Variants in MYOF observed in about 807,000 individuals in gnomAD.
MYOF encodes fer-1-like 3, myoferlin.
A neutral mutation model predicts 284.2 loss-of-function variants in MYOF; 244 were observed. That is an observed-to-expected ratio of 0.86 (90% CI 0.77 to 0.95). The LOEUF (loss-of-function observed/expected upper bound fraction) is 0.95, where lower values mean the gene tolerates loss of function less well. MYOF is among the 40% of genes least tolerant of loss of function. The probability of loss-of-function intolerance (pLI) is 0.00; values close to 1 mark genes in which losing one functional copy is unlikely to be tolerated. For missense variants in MYOF, 2,496 were observed against 2,560.6 expected (o/e 0.97, Z 0.54); for synonymous variants, 904 against 919.7 (o/e 0.98, Z 0.31).
chr10:93,361,629 T>C lies in MYOF; in HGVS notation c.2869-72A>G, dbSNP rs532144699. ...TCAGTAAGAGGCAAAGGGTCCAATA[T>C]AGTTCCTCATTTAACTATGGCATTC... is the stretch of plus-strand genomic sequence containing the variant. On this transcript the variant is annotated intron_variant, in intron 27 of 53. Transcript: ENST00000359263. 3.6e-6 allele frequency: 5 copies of C among 1,391,662 alleles called. No individual in the cohort carries two copies. In the South Asian group the frequency reaches 6.0e-5, roughly 17 times the overall value. The allele number at this position is 1,391,662 out of a possible 1,614,324, so 86.2% of individuals were successfully genotyped here.
At chr10:93,338,011 T>C in intron 39 of MYOF, 98 bp from the exon 40 acceptor site, 1 of 869,886 alleles carries the variant, frequency 1.1e-6, no homozygotes, top group Non-Finnish European at 1.9e-6. Context: ...AAATAGGTTC[T>C]TCTGACCCTG....
At chr10:93,353,001 A>T (rs1383885063) in intron 32 of MYOF, among the ~76,000 whole-genome samples, 1 of 152,242 alleles carries the variant, frequency 6.6e-6, no homozygotes, top group Non-Finnish European at 1.5e-5. Context: ...TGAGAGTGTC[A>T]GTCAAATGCT....
chr10:93,354,919 T>C (rs1040113729), intron 31 of MYOF, among the ~76,000 whole-genome samples: 1 of 152,258 alleles, frequency 6.6e-6, no homozygotes, highest in Non-Finnish European at 1.5e-5. Flanking sequence ...GTACAGGTCC[T>C]AGCCCATGCT....
At chr10:93,444,852 G>A (rs1564724528) in intron 3 of MYOF, among the ~76,000 whole-genome samples, 1 of 152,144 alleles carries the variant, frequency 6.6e-6, no homozygotes, top group Non-Finnish European at 1.5e-5. Flanking sequence ...TCAAGGGTAG[G>A]GCCAGGATGC....
rs758541223 is a variant in MYOF at position 93,313,116 on chromosome 10, G to A, written c.5793C>T (p.Asn1931=). ...LDMIPDLKAM[N]PLKAKTASLF... is the part of the protein sequence containing the mutation. ...GGGAGGCTGTCTTGGCTTTAAGGGG[G>A]TTCATGGCTTTGAGGTCCGGAATCA... The change falls in exon 51 of 54, where the codon AAC becomes AAT. Residue 1931 remains asparagine (N), a synonymous_variant. Coordinates refer to ENST00000359263, the MANE Select transcript of MYOF (RefSeq NM_013451.4). 6.2e-7 allele frequency: 1 copy of A among 1,614,084 alleles called. No individual in the cohort carries two copies. Among genetic ancestry groups the A allele is most frequent in the Admixed American group, 1.7e-5 (1 of 60,022 alleles).
chr10:93,432,646 C>T (rs1049467491), intron 3 of MYOF, among the ~76,000 whole-genome samples: 1 of 152,128 alleles, frequency 6.6e-6, no homozygotes, highest in African/African-American at 2.4e-5. Flanking sequence ...AGCATTCAAA[C>T]GTTCAGTGTG....
chr10:93,441,285 A>C (rs746584392), intron 3 of MYOF, among the ~76,000 whole-genome samples: 3 of 152,178 alleles, frequency 2.0e-5, no homozygotes, highest in Non-Finnish European at 2.9e-5. Context: ...GGAATGAAAA[A>C]CGTCTTATAA....
intron 1 of MYOF, among the ~76,000 whole-genome samples, chr10:93,465,538 C>CTTTTTCTT: frequency 8.9e-6 from 1 of 112,154 alleles, no homozygotes; most frequent in African/African-American, 3.3e-5. Flanking sequence ...TTTTTCTTTT[C>CTTTTTCTT]TTTTTTTTTT....
chr10:93,394,431 T>C (rs1257147255), intron 16 of MYOF, among the ~76,000 whole-genome samples: 1 of 146,788 alleles, frequency 6.8e-6, no homozygotes, highest in Admixed American at 6.8e-5. Context: ...CTATATCTCC[T>C]TTGGTCACCA....
chr10:93,377,209 T>G, intron 22 of MYOF, 114 bp downstream of exon 22: 1 of 782,902 alleles, frequency 1.3e-6, no homozygotes, highest in Non-Finnish European at 2.1e-6. Context: ...TTTGAATAAT[T>G]CAAAATCACT....
intron 38 of MYOF, 79 bp from the exon 39 acceptor site, chr10:93,340,243 A>C: frequency 6.7e-7 from 1 of 1,499,862 alleles, no homozygotes; most frequent in Admixed American, 1.9e-5. Context: ...CAGGAACATG[A>C]AGTTTAAAGA....
intron 19 of MYOF, among the ~76,000 whole-genome samples, chr10:93,387,568 C>T (rs568497282): frequency 9.1e-4 from 138 of 152,178 alleles, no homozygotes; most frequent in Non-Finnish European, 1.6e-3. Context: ...TGACCCCCAA[C>T]GCCAGTTAGC....
At chr10:93,395,175 TG>T (rs1425751059) in intron 16 of MYOF, among the ~76,000 whole-genome samples, 2 of 152,186 alleles carry the variant, frequency 1.3e-5, no homozygotes, top group Non-Finnish European at 2.9e-5. Context: ...CTGGACACGG[TG>T]GCTCACGCCT....
intron 53 of MYOF, among the ~76,000 whole-genome samples, chr10:93,308,478 G>A (rs964806335): frequency 3.3e-5 from 5 of 150,428 alleles, no homozygotes; most frequent in Middle Eastern, 7.0e-3. Flanking sequence ...CCAGCTACTC[G>A]GGAGGCTGAG....
chr10:93,319,820 G>A (rs1842776543), intron 49 of MYOF, 52 bp downstream of exon 49: 2 of 1,610,908 alleles, frequency 1.2e-6, no homozygotes, highest in African/African-American at 1.3e-5. Flanking sequence ...GAGCTTCTGA[G>A]TTAAGGAAGA....
chr10:93,371,501 CAA>C (rs1384987165), intron 24 of MYOF, among the ~76,000 whole-genome samples: 1 of 152,072 alleles, frequency 6.6e-6, no homozygotes, highest in Non-Finnish European at 1.5e-5. Context: ...TGCAAAAATG[CAA>C]AACAGTCTCA....
intron 2 of MYOF, among the ~76,000 whole-genome samples, chr10:93,452,751 T>C (rs1012956209): frequency 4.6e-5 from 7 of 152,200 alleles, no homozygotes; most frequent in African/African-American, 1.7e-4. Flanking sequence ...GCAGGGTATA[T>C]GTGAAAACAT....
intron 38 of MYOF, among the ~76,000 whole-genome samples, chr10:93,340,760 ATTT>A (rs34675111): frequency 2.0e-5 from 3 of 151,512 alleles, no homozygotes; most frequent in Non-Finnish European, 2.9e-5. Context: ...CTTTCATGTG[ATTT>A]TTTTTTAATG....
In MYOF at chr10:93,381,309, C is replaced by G. The variant is rs768132180; in HGVS notation, c.1786G>C (p.Glu596Gln). The change falls in exon 20 of 54, where the codon GAA becomes CAA. Residue 596 changes from glutamate to glutamine, a missense_variant. Transcript: ENST00000359263. ...LQDVGEAIQFEVSIGNYGNKF... is the reference protein window; with the variant it reads ...LQDVGEAIQFQVSIGNYGNKF... ...TTGCCATAGTTCCCAATGCTGACTT[C>G]AAACTGAATGGCCTCACCAACATCT... The G allele has an allele frequency of 6.2e-7, 1 of 1,614,092 alleles. No individual in the cohort carries two copies. Among genetic ancestry groups the G allele is most frequent in the Non-Finnish European group, 8.5e-7 (1 of 1,180,036 alleles).
Sources: allele counts gnomAD v4.1 joint callset (sites outside exome capture counted in the v4.1 genomes callset), GRCh38; gene constraint gnomAD v4.1.1; transcripts MANE v1.5; gene names NCBI Gene and HGNC (gene_info 2026-07-23, HGNC 2026-07-21).